FAM168B: variants seen among roughly 807,000 people sequenced by gnomAD.
FAM168B encodes the protein myelin-associated neurite-outgrowth inhibitor.
A neutral mutation model predicts 21.8 loss-of-function variants in FAM168B; 19 were observed. The ratio of observed to expected loss-of-function variants is 0.87; its 90% CI spans 0.61 to 1.28. FAM168B has a LOEUF of 1.28. Among genes scored for constraint, FAM168B ranks in the 50% most tolerant of loss-of-function variants. The probability of loss-of-function intolerance (pLI) is 0.00; values close to 1 mark genes in which losing one functional copy is unlikely to be tolerated. For synonymous variants in FAM168B, 126 were observed against 104.8 expected, an observed-to-expected ratio of 1.20 and a Z score of -1.24; for missense variants, 233 against 263.1, an observed-to-expected ratio of 0.89 and a Z score of 0.79.
intron 3 of FAM168B, among the ~76,000 whole-genome samples, chr2:131,068,827 A>G (rs1692707439): frequency 6.6e-6 from 1 of 152,148 alleles, no homozygotes; most frequent in African/African-American, 2.4e-5. Flanking sequence ...ACCAGCCTAG[A>G]CAACATAGTG....
intron 3 of FAM168B, among the ~76,000 whole-genome samples, chr2:131,064,746 G>A (rs938236474): frequency 3.9e-5 from 6 of 152,142 alleles, no homozygotes; most frequent in African/African-American, 1.4e-4. Context: ...GCAAGCCCTG[G>A]GATGATGAGA....
chr2:131,057,521 C>T (rs1018593771), intron 3 of FAM168B, among the ~76,000 whole-genome samples: 5 of 152,114 alleles, frequency 3.3e-5, no homozygotes, highest in Middle Eastern at 3.2e-3. Flanking sequence ...CAAAGTATTC[C>T]ATGTTTTATT....
In FAM168B at chr2:131,049,061, C is replaced by T; in HGVS notation, c.*3404G>A. ...TACTTACATAACTAGTACATGTTGG[C>T]CTTTCACCAGCACTCACTGGCACTC... On this transcript the variant is annotated 3_prime_UTR_variant, in exon 7 of 7. Transcript: ENST00000389915. 1 of 985,454 alleles carries T rather than the reference C, an allele frequency of 1.0e-6. No homozygotes were observed. Among genetic ancestry groups the T allele is most frequent in the African/African-American group, 1.7e-5 (1 of 57,352 alleles). 61.0% of individuals were successfully genotyped at this position (985,454 alleles called of 1,614,324 possible).
chr2:131,092,174 C>T (rs1694068515), intron 1 of FAM168B, among the ~76,000 whole-genome samples: 1 of 151,518 alleles, frequency 6.6e-6, no homozygotes, highest in South Asian at 2.1e-4. Context: ...TCAATTGATC[C>T]AGGAAAAGAA....
intron 3 of FAM168B, among the ~76,000 whole-genome samples, chr2:131,069,681 G>C (rs1432214737): frequency 6.6e-6 from 1 of 151,966 alleles, no homozygotes; most frequent in Non-Finnish European, 1.5e-5. Context: ...TTTTAGTAGA[G>C]AGGGGGTTTC....
chr2:131,075,536 CCA>C (rs199736967), intron 2 of FAM168B, among the ~76,000 whole-genome samples: 2,142 of 151,864 alleles, frequency 0.014, 54 homozygotes, highest in African/African-American at 0.049. Context: ...GCTCTGTCGC[CCA>C]GGCTGGAATG....
chr2:131,063,396 G>A (rs1484214629), intron 3 of FAM168B, among the ~76,000 whole-genome samples: 1 of 152,152 alleles, frequency 6.6e-6, no homozygotes, highest in Non-Finnish European at 1.5e-5. Context: ...TTGGTCTTTG[G>A]TTTAGGCATG....
At chr2:131,090,891 G>A (rs1464797929) in intron 1 of FAM168B, among the ~76,000 whole-genome samples, 4 of 151,954 alleles carry the variant, frequency 2.6e-5, no homozygotes, top group Admixed American at 6.6e-5. Context: ...CACCATGCCC[G>A]GCTAATATTT....
intron 5 of FAM168B, 85 bp from the exon 6 acceptor site, chr2:131,053,100 T>C: frequency 1.4e-6 from 2 of 1,445,230 alleles, no homozygotes; most frequent in Admixed American, 6.3e-5. Flanking sequence ...CTGGCCTCTT[T>C]GCAAGGAGGA....
chr2:131,087,982 A>C lies in FAM168B; in HGVS notation c.-12+5232T>G, dbSNP rs143236603. On this transcript the variant is annotated intron_variant, in intron 1 of 6. Transcript: ENST00000389915. ...TCTACTTGGCTGGTTGCAGTGGCTC[A>C]TCCCTGTAATCCCAGCACTTTGGGA... Among the ~76,000 whole-genome samples the C allele has an allele frequency of 5.6e-3, 851 of 152,284 alleles. 5 individuals carry two copies. The highest frequency in any genetic ancestry group is 0.019 in the African/African-American group (780 of 41,560).
At chr2:131,077,127 A>C (rs1397700027) in intron 2 of FAM168B, among the ~76,000 whole-genome samples, 1 of 151,924 alleles carries the variant, frequency 6.6e-6, no homozygotes. Context: ...ACACACTTCA[A>C]ACAACTCCAA....
rs369333964 is a variant in FAM168B, at chr2:131,055,537, G to A, written c.297+16C>T. The A allele has an allele frequency of 6.2e-7, 1 of 1,602,760 alleles. No individual in the cohort carries two copies. Among genetic ancestry groups the A allele is most frequent in the African/African-American group, 1.3e-5 (1 of 74,326 alleles). On this transcript the variant is annotated intron_variant, in intron 4 of 6. Coordinates refer to ENST00000389915, the MANE Select transcript of FAM168B (RefSeq NM_001009993.4). ...GTATCACCCCTTCCCACACAGCAGT[G>A]TGTACCCAAGCATACCTGTGCATAC... is the stretch of plus-strand genomic sequence containing the variant.
chr2:131,066,517 T>C (rs1692567261), intron 3 of FAM168B, among the ~76,000 whole-genome samples: 1 of 152,186 alleles, frequency 6.6e-6, no homozygotes. Context: ...GTAATAAATA[T>C]CTAAACAACC....
At chr2:131,066,515 T>C (rs934533512) in intron 3 of FAM168B, among the ~76,000 whole-genome samples, 7 of 152,164 alleles carry the variant, frequency 4.6e-5, no homozygotes, top group African/African-American at 1.4e-4. Context: ...ATGTAATAAA[T>C]ATCTAAACAA....
At chr2:131,079,815 T>C (rs562966082) in intron 2 of FAM168B, among the ~76,000 whole-genome samples, 3 of 151,910 alleles carry the variant, frequency 2.0e-5, no homozygotes, top group Admixed American at 6.6e-5. Context: ...AACAGACTTG[T>C]GGTTTAAAAA....
chr2:131,055,651 T>C lies in FAM168B; in HGVS notation c.199A>G (p.Ser67Gly). 1 of 1,613,646 alleles carries C rather than the reference T, an allele frequency of 6.2e-7. No individual in the cohort carries two copies. The highest frequency in any genetic ancestry group is 8.5e-7 in the Non-Finnish European group (1 of 1,179,776). Residue 67 changes from serine to glycine, a missense_variant, in exon 4 of 7, where the codon AGC (serine) becomes GGC (glycine). Transcript: ENST00000389915. ...GAGGAGTACGGTGGCACAGCCCCGC[T>C]GGTGGGGGAACAGGACACTTTGTAA... ...TPYKVSCSPT[S>G]GAVPPYSSSP...
intron 3 of FAM168B, among the ~76,000 whole-genome samples, chr2:131,064,278 T>A (rs1017777412): frequency 6.6e-6 from 1 of 152,292 alleles, no homozygotes; most frequent in African/African-American, 2.4e-5. Flanking sequence ...GATTTTTTTA[T>A]AATAATTTTT....
intron 2 of FAM168B, among the ~76,000 whole-genome samples, chr2:131,076,509 C>T (rs1693160263): frequency 6.6e-6 from 1 of 151,928 alleles, no homozygotes; most frequent in South Asian, 2.1e-4. Context: ...AAAAATTAGC[C>T]GGGTGCAGTG....
intron 2 of FAM168B, among the ~76,000 whole-genome samples, chr2:131,078,986 CAAAAAAA>C (rs755973080): frequency 1.1e-5 from 1 of 93,932 alleles, no homozygotes; most frequent in Non-Finnish European, 2.3e-5. Context: ...GACCCTTTCA[CAAAAAAA>C]AAAAAAAAAA....
Sources: allele counts gnomAD v4.1 joint callset (sites outside exome capture counted in the v4.1 genomes callset), GRCh38; gene constraint gnomAD v4.1.1; transcripts MANE v1.5; gene names NCBI Gene and HGNC (gene_info 2026-07-23, HGNC 2026-07-21).